The following ANKIB1 variants were observed in gnomAD, a reference collection of about 807,000 sequenced individuals.
ANKIB1 encodes the protein ankyrin repeat and IBR domain containing 1, also known as ankyrin repeat and IBR domain-containing protein 1.
Under a neutral mutation model 122.1 loss-of-function variants are expected in ANKIB1, and 43 were observed. The observed-to-expected ratio is 0.35, with a 90% confidence interval of 0.28 to 0.45. The LOEUF is 0.45. ANKIB1 is among the 20% of genes least tolerant of loss of function. ANKIB1 has a pLI of 1.00. For synonymous variants in ANKIB1, 390 were observed against 442.0 expected, an observed-to-expected ratio of 0.88 and a Z score of 1.48; for missense variants, 992 against 1,329.5, an observed-to-expected ratio of 0.75 and a Z score of 3.95.
chr7:92,396,510 T>G, intron 18 of ANKIB1, 34 bp downstream of exon 18: 4 of 1,036,298 alleles, frequency 3.9e-6, no homozygotes, highest in Non-Finnish European at 5.8e-6. Flanking sequence ...TTTAATCTCA[T>G]AGCTCCCCTG....
In ANKIB1 at chr7:92,294,946, T is replaced by C; in HGVS notation, c.-33T>C. On this transcript the variant is annotated 5_prime_UTR_variant, in exon 2 of 20. Transcript: ENST00000265742. ...GTGGCTGAAGATAGAAGGAAAAAAG[T>C]GCCACTGCCTATCAGAAAAAACAAA... 1 of 1,528,044 alleles carries C rather than the reference T, an allele frequency of 6.5e-7. No homozygotes were observed. The highest frequency in any genetic ancestry group is 8.8e-7 in the Non-Finnish European group (1 of 1,131,812). 94.7% of individuals were successfully genotyped at this position (1,528,044 alleles called of 1,614,324 possible).
At chr7:92,344,092 A>G (rs1270674412) in intron 6 of ANKIB1, among the ~76,000 whole-genome samples, 2 of 151,972 alleles carry the variant, frequency 1.3e-5, no homozygotes, top group African/African-American at 4.8e-5. Context: ...GCTATTGTTT[A>G]GAAGATACTA....
chr7:92,382,779 A>C (rs1804546860), intron 11 of ANKIB1, among the ~76,000 whole-genome samples: 1 of 152,226 alleles, frequency 6.6e-6, no homozygotes, highest in Non-Finnish European at 1.5e-5. Context: ...TGCCCACAAG[A>C]GAAAGCAGGA....
intron 10 of ANKIB1, among the ~76,000 whole-genome samples, chr7:92,367,468 T>C (rs1804116268): frequency 6.6e-6 from 1 of 152,206 alleles, no homozygotes; most frequent in South Asian, 2.1e-4. Context: ...CTATTTTAGC[T>C]TCATGTATTT....
chr7:92,383,873 G>A (rs1017381488), intron 11 of ANKIB1, among the ~76,000 whole-genome samples: 9 of 152,088 alleles, frequency 5.9e-5, no homozygotes, highest in Non-Finnish European at 7.4e-5. Context: ...TCAACATAGT[G>A]TTGGAAGTTC....
At chr7:92,387,713 T>TA in intron 12 of ANKIB1, 85 bp from the exon 13 acceptor site, 1 of 966,440 alleles carries the variant, frequency 1.0e-6, no homozygotes, top group Admixed American at 2.6e-5. Flanking sequence ...CTATCACTAA[T>TA]AAAACTTTTA....
At chr7:92,362,614 T>C (rs554758309) in intron 10 of ANKIB1, among the ~76,000 whole-genome samples, 6 of 152,320 alleles carry the variant, frequency 3.9e-5, no homozygotes, top group African/African-American at 1.4e-4. Flanking sequence ...AAGTAGTATA[T>C]GATCTGTAAT....
intron 7 of ANKIB1, 122 bp from the exon 8 acceptor site, chr7:92,350,828 A>G (rs533886203): frequency 2.3e-5 from 22 of 965,902 alleles, no homozygotes; most frequent in African/African-American, 9.9e-5. Context: ...CTGCACTCCA[A>G]CCTGAGTGAT....
chr7:92,352,496 T>A lies in ANKIB1; in HGVS notation c.1251T>A (p.Pro417=). 1 of 1,612,976 alleles carries A rather than the reference T, an allele frequency of 6.2e-7. No homozygotes were observed. The highest frequency in any genetic ancestry group is 8.5e-7 in the Non-Finnish European group (1 of 1,179,662). ...FDIKAFVENN[P]AIKWCPTPGC... is the part of the protein sequence containing the mutation. ...AACAGGCCTTTGTTGAAAATAATCCTGCCATTAAATGGTGTCCTACTCCAG... is the reference window on the plus strand; with the variant it reads ...AACAGGCCTTTGTTGAAAATAATCCAGCCATTAAATGGTGTCCTACTCCAG... The change falls in exon 9 of 20, where the codon CCT becomes CCA. Residue 417 remains proline (P), a synonymous_variant. Coordinates refer to ENST00000265742, the MANE Select transcript of ANKIB1 (RefSeq NM_019004.2).
At chr7:92,351,235 G>A (rs1430347711) in intron 8 of ANKIB1, 141 bp downstream of exon 8, 4 of 718,398 alleles carry the variant, frequency 5.6e-6, no homozygotes, top group Non-Finnish European at 8.0e-6. Context: ...CAGAAAAGTT[G>A]CTTAAAGGAA....
At chr7:92,392,828 T>A (rs1319826172) in intron 17 of ANKIB1, among the ~76,000 whole-genome samples, 1 of 152,082 alleles carries the variant, frequency 6.6e-6, no homozygotes, top group East Asian at 1.9e-4. Flanking sequence ...TCATTATTAA[T>A]ATACCGTTTT....
At chr7:92,265,371 A>G (rs1228326057) in intron 1 of ANKIB1, among the ~76,000 whole-genome samples, 1 of 152,210 alleles carries the variant, frequency 6.6e-6, no homozygotes, top group Non-Finnish European at 1.5e-5. Context: ...GGCTGAAGGT[A>G]GTGCGTATGC....
Position 92,277,380 on chromosome 7 carries a change from A to G in ANKIB1, c.-90-17509A>G, listed in dbSNP as rs1215819636. 7.2e-5 allele frequency among the ~76,000 whole-genome samples: 11 copies of G among 152,242 alleles called. 1 individual carries two copies. The highest frequency in any genetic ancestry group is 2.2e-4 in the African/African-American group (9 of 41,540). ...TTTGACTTGGTTTACAGGGGTATTA[A>G]ATGCATTTTTGACTTGTGGTTTTGA... On this transcript the variant is annotated intron_variant, in intron 1 of 19. Coordinates refer to ENST00000265742, the MANE Select transcript of ANKIB1 (RefSeq NM_019004.2).
chr7:92,310,489 A>G (rs1802670945), intron 3 of ANKIB1, among the ~76,000 whole-genome samples: 1 of 152,160 alleles, frequency 6.6e-6, no homozygotes, highest in South Asian at 2.1e-4. Context: ...ACTGCTAATT[A>G]AACCAGAAGA....
At chr7:92,284,710 G>C (rs561842450) in intron 1 of ANKIB1, among the ~76,000 whole-genome samples, 1 of 150,604 alleles carries the variant, frequency 6.6e-6, no homozygotes, top group Non-Finnish European at 1.5e-5. Context: ...TTTTCACATA[G>C]AGAAGTACAT....
chr7:92,274,060 C>T (rs185904947), intron 1 of ANKIB1, among the ~76,000 whole-genome samples: 114 of 152,238 alleles, frequency 7.5e-4, no homozygotes, highest in Middle Eastern at 3.4e-3. Context: ...CAGGTGTGAA[C>T]CACTACCTGT....
chr7:92,396,519 T>G, intron 18 of ANKIB1, 43 bp downstream of exon 18: 1 of 961,344 alleles, frequency 1.0e-6, no homozygotes, highest in East Asian at 2.7e-5. Context: ...ATAGCTCCCC[T>G]GAATTTATCC....
At chr7:92,351,841 C>T (rs1445978994) in intron 8 of ANKIB1, among the ~76,000 whole-genome samples, 1 of 151,428 alleles carries the variant, frequency 6.6e-6, no homozygotes, top group Non-Finnish European at 1.5e-5. Flanking sequence ...GTGCCTCAGC[C>T]TTAAGAGTAG....
At chr7:92,329,733 T>A (rs753337225) in intron 5 of ANKIB1, among the ~76,000 whole-genome samples, 2 of 152,222 alleles carry the variant, frequency 1.3e-5, no homozygotes, top group Non-Finnish European at 2.9e-5. Flanking sequence ...TCTGTCTCTC[T>A]TATATTTGAC....
Sources: gnomAD v4.1 joint callset for allele counts (sites outside exome capture counted in the v4.1 genomes callset) on GRCh38, gnomAD v4.1.1 for gene constraint, MANE v1.5 for transcripts, NCBI Gene and HGNC (gene_info 2026-07-23, HGNC 2026-07-21) for gene names.